Variants in SRPRA observed in about 807,000 individuals in gnomAD.
The protein encoded by SRPRA is SRP receptor subunit alpha.
Under a neutral mutation model 61.1 loss-of-function variants are expected in SRPRA, and 30 were observed. The observed-to-expected ratio is 0.49, with a 90% CI of 0.37 to 0.67. The LOEUF (loss-of-function observed/expected upper bound fraction) is 0.67. Ranked by LOEUF, SRPRA falls within the 30% of genes least tolerant of loss-of-function variation. SRPRA has a pLI of 0.00. For synonymous variants in SRPRA, 324 were observed against 299.7 expected (o/e 1.08, Z -0.84); for missense variants, 759 against 828.4 (o/e 0.92, Z 1.03).
At chr11:126,244,770 T>G in the SRPRA span, among the ~76,000 whole-genome samples, 1 of 152,104 alleles carries the variant, frequency 6.6e-6, no homozygotes, top group African/African-American at 2.4e-5. This position sits in a 1 kb window ranked among gnomAD's most constrained non-coding sequence, Gnocchi z 4.5. Flanking sequence ...TCCACTGCAC[T>G]CCAGCCTGGG....
At chr11:126,260,568 T>G (rs1053286306), downstream of SRPRA, 1 of 152,218 alleles carries the variant, frequency 6.6e-6, no homozygotes, top group Non-Finnish European at 1.5e-5. Context: ...CAGTTTTTTG[T>G]AAGTCATGTT....
In SRPRA at chr11:126,268,781, G is replaced by A. The variant is rs775881580; in HGVS notation, c.24C>T (p.Phe8=). Residue 8 remains phenylalanine (F), a synonymous_variant, in exon 1 of 14, where the codon TTC becomes TTT. Transcript: ENST00000332118. MLDFFTI[F]SKGGLVLWCF... ...ACCAGAGCACAAGCCCGCCCTTGGAGAAAATGGTGAAGAAGTCGAGCATGG... is the reference window on the plus strand; with the variant it reads ...ACCAGAGCACAAGCCCGCCCTTGGAAAAAATGGTGAAGAAGTCGAGCATGG... 1.4e-5 allele frequency: 22 copies of A among 1,613,654 alleles called. No individual in the cohort carries two copies. In the East Asian group the frequency reaches 4.7e-4, roughly 34 times the overall value.
Position 126,267,933 on chromosome 11 carries a change from T to C in SRPRA, c.201+70A>G. On this transcript the variant is annotated intron_variant, in intron 2 of 13. Coordinates refer to ENST00000332118, the MANE Select transcript of SRPRA (RefSeq NM_003139.4). The surrounding 1 kb of genome is among the most constrained non-coding windows in gnomAD (Gnocchi z 4.2). ...CGTCATCATATACACTGGCTGCAAT[T>C]AATCAGAGTTCTCTTAAAAATCAGG... The C allele has an allele frequency of 6.6e-7, 1 of 1,526,386 alleles. No homozygotes were observed. Among genetic ancestry groups the C allele is most frequent in the Non-Finnish European group, 9.1e-7 (1 of 1,101,614 alleles). 94.6% of individuals were successfully genotyped at this position (1,526,386 alleles called of 1,614,324 possible).
At position 126,265,190 on chromosome 11, in the gene SRPRA, GAA is replaced by G. The variant is rs748376866; in HGVS notation, c.1312-20_1312-19del. On this transcript the variant is annotated intron_variant, in intron 10 of 13. Coordinates refer to ENST00000332118, the MANE Select transcript of SRPRA (RefSeq NM_003139.4). The surrounding 1 kb of genome is among the most constrained non-coding windows in gnomAD (Gnocchi z 6.3). ...AAGGAAATCTGTGAAAAAGACGTAA[GAA>G]AAGTCACCTAAAGCCAGGATTTTGA... 6.2e-7 allele frequency: 1 copy of G among 1,614,028 alleles called. No individual in the cohort carries two copies. The highest frequency in any genetic ancestry group is 1.1e-5 in the South Asian group (1 of 91,072).
At chr11:126,256,751 T>G in the SRPRA span, 2 of 1,614,046 alleles carry the variant, frequency 1.2e-6, no homozygotes, top group Non-Finnish European at 1.7e-6. This position sits in a 1 kb window ranked among gnomAD's most constrained non-coding sequence, Gnocchi z 6.6. Context: ...GAAAACATGC[T>G]GGACAAGGGG....
At chr11:126,254,795 C>T in the SRPRA span, among the ~76,000 whole-genome samples, 1 of 152,146 alleles carries the variant, frequency 6.6e-6, no homozygotes, top group Non-Finnish European at 1.5e-5. Flanking sequence ...CCACTGCACT[C>T]CAGCTTGGGT....
the SRPRA span, among the ~76,000 whole-genome samples, chr11:126,245,996 CAAAA>C: frequency 2.4e-5 from 2 of 82,262 alleles, no homozygotes; most frequent in East Asian, 3.3e-4. Flanking sequence ...GACTCCGTCC[CAAAA>C]AAAAAAAAAA....
Position 126,267,419 on chromosome 11 carries a change from G to A in SRPRA, c.366-84C>T. 2 of 1,589,572 alleles carry A rather than the reference G, an allele frequency of 1.3e-6. No individual in the cohort carries two copies. The highest frequency in any genetic ancestry group is 1.7e-6 in the Non-Finnish European group (2 of 1,166,006). ...CCAGAGAAAGGACTCTCACACCCAA[G>A]AGGACAATGAGAACTGGGTAGCAAA... On this transcript the variant is annotated intron_variant, in intron 3 of 13. Transcript: ENST00000332118. This position sits in a 1 kb window ranked among gnomAD's most constrained non-coding sequence, Gnocchi z 4.2.
At chr11:126,246,255 C>T in the SRPRA span, among the ~76,000 whole-genome samples, 2 of 151,736 alleles carry the variant, frequency 1.3e-5, no homozygotes, top group Non-Finnish European at 1.5e-5. Flanking sequence ...TGGAAATGTC[C>T]ATATTAGAAA....
At chr11:126,259,015 G>A (rs1565341806), downstream of SRPRA, among the ~76,000 whole-genome samples, 1 of 152,196 alleles carries the variant, frequency 6.6e-6, no homozygotes, top group Non-Finnish European at 1.5e-5. Flanking sequence ...CCATCATTAA[G>A]GTGTTCTGTA....
chr11:126,240,996 C>G, the SRPRA span: 14 of 1,613,544 alleles, frequency 8.7e-6, no homozygotes, highest in Middle Eastern at 1.6e-4. Flanking sequence ...TCCATGAAGA[C>G]AAGAACCTGG....
the SRPRA span, among the ~76,000 whole-genome samples, chr11:126,239,095 C>A: frequency 6.6e-6 from 1 of 151,692 alleles, no homozygotes; most frequent in African/African-American, 2.4e-5. Flanking sequence ...GTGAACTTAG[C>A]CTCCCAGGTA....
At chr11:126,243,775 ATGCCTGTAATCCC>A in the SRPRA span, among the ~76,000 whole-genome samples, 2 of 151,926 alleles carry the variant, frequency 1.3e-5, no homozygotes, top group Admixed American at 6.6e-5. Context: ...ATGGTAGTGC[ATGCCTGTAATCCC>A]AGCTACCCAG....
chr11:126,264,262 G>A lies in SRPRA; in HGVS notation c.1717C>T (p.His573Tyr), dbSNP rs1022727763. Residue 573 changes from histidine (H) to tyrosine (Y), a missense_variant, in exon 13 of 14, where the codon CAT (histidine) becomes TAT (tyrosine). By Grantham distance (83) the His-to-Tyr change is moderately conservative. Around this residue, in one of 2 missense-constraint regions of SRPRA, gnomAD observed 284 missense variants for 365.9 expected, o/e 0.78. Transcript: ENST00000332118. The surrounding 1 kb of genome is among the most constrained non-coding windows in gnomAD (Gnocchi z 5.0). ...AGCCGAGGTGTCTGAGCCATAGAAT[G>A]GTCAGCCAAGGCTCTGTTGAACTTG... ...LVKFNRALADHSMAQTPRLID... is the reference protein window; with the variant it reads ...LVKFNRALADYSMAQTPRLID... 1 of 1,613,916 alleles carries A rather than the reference G, an allele frequency of 6.2e-7. No individual in the cohort carries two copies. Among genetic ancestry groups the A allele is most frequent in the African/African-American group, 1.3e-5 (1 of 74,918 alleles).
At position 126,265,484 on chromosome 11, in the gene SRPRA, A is replaced by T. The variant is rs1376085534; in HGVS notation, c.1139-44T>A. ...GAGGTTGCAGCTGTGAAACTCAAGGAATGCTCTCAAAAATGCCTAACACCT... is the reference window on the plus strand; with the variant it reads ...GAGGTTGCAGCTGTGAAACTCAAGGTATGCTCTCAAAAATGCCTAACACCT... On this transcript the variant is annotated intron_variant, in intron 9 of 13. Coordinates refer to ENST00000332118, the MANE Select transcript of SRPRA (RefSeq NM_003139.4). This position sits in a 1 kb window ranked among gnomAD's most constrained non-coding sequence, Gnocchi z 6.3. 6.3e-7 allele frequency: 1 copy of T among 1,586,134 alleles called. No homozygotes were observed. The highest frequency in any genetic ancestry group is 2.2e-5 in the East Asian group (1 of 44,562).
the SRPRA span, among the ~76,000 whole-genome samples, chr11:126,238,254 C>G: frequency 6.6e-6 from 1 of 151,882 alleles, no homozygotes; most frequent in Non-Finnish European, 1.5e-5. Flanking sequence ...CCCAGCTACT[C>G]GGGAGGCTGA....
At chr11:126,257,626 C>T in the SRPRA span, among the ~76,000 whole-genome samples, 9 of 133,140 alleles carry the variant, frequency 6.8e-5, no homozygotes, top group Non-Finnish European at 1.1e-4. Flanking sequence ...TTTTTTGGTG[C>T]GTGTAGAAAT....
At chr11:126,256,013 G>GT in the SRPRA span, among the ~76,000 whole-genome samples, 1 of 152,154 alleles carries the variant, frequency 6.6e-6, no homozygotes, top group Non-Finnish European at 1.5e-5. This position sits in a 1 kb window ranked among gnomAD's most constrained non-coding sequence, Gnocchi z 6.6. Flanking sequence ...GCTCACGCCT[G>GT]TAATCCCAGC....
chr11:126,247,465 T>G, the SRPRA span, among the ~76,000 whole-genome samples: 1 of 152,172 alleles, frequency 6.6e-6, no homozygotes, highest in Non-Finnish European at 1.5e-5. Context: ...TTTTCTATTC[T>G]TTTTCTTAGA....
Sources: gnomAD v4.1 joint callset for allele counts (sites outside exome capture counted in the v4.1 genomes callset) on GRCh38, gnomAD v4.1.1 for gene constraint, gnomAD v4.1.1 regional missense constraint, Gnocchi (gnomAD v3.1) non-coding constraint, MANE v1.5 for transcripts, NCBI Gene and HGNC (gene_info 2026-07-23, HGNC 2026-07-21) for gene names.